ATRNL1: variants seen among roughly 807,000 people sequenced by gnomAD.
ATRNL1 encodes attractin like 1.
Under a neutral mutation model 182.7 loss-of-function variants are expected in ATRNL1, and 95 were observed. The observed-to-expected ratio is 0.52, with a 90% CI of 0.44 to 0.62. The LOEUF (loss-of-function observed/expected upper bound fraction) is 0.62. Among genes scored for constraint, ATRNL1 ranks in the 20% least tolerant of loss-of-function variants. The probability of loss-of-function intolerance (pLI) is 0.00; values close to 1 mark genes in which losing one functional copy is unlikely to be tolerated. For synonymous variants in ATRNL1, 576 were observed against 568.3 expected (o/e 1.01, Z -0.19); for missense variants, 1,471 against 1,679.5 (o/e 0.88, Z 2.17).
At chr10:115,265,661 G>C (rs1367202904) in intron 11 of ATRNL1, among the ~76,000 whole-genome samples, 1 of 151,650 alleles carries the variant, frequency 6.6e-6, no homozygotes, top group Non-Finnish European at 1.5e-5. Flanking sequence ...AGAAGAATTA[G>C]ATTCTCATTT....
At chr10:115,925,279 A>G (rs1313435264) in intron 28 of ATRNL1, among the ~76,000 whole-genome samples, 1 of 152,052 alleles carries the variant, frequency 6.6e-6, no homozygotes, top group Non-Finnish European at 1.5e-5. Flanking sequence ...AACTTCCAAT[A>G]CTATGTTGCA....
chr10:115,646,754 C>A (rs782184122), intron 26 of ATRNL1, among the ~76,000 whole-genome samples: 1 of 151,128 alleles, frequency 6.6e-6, no homozygotes, highest in Non-Finnish European at 1.5e-5. Flanking sequence ...ACTATACATA[C>A]TATTATCTAA....
intron 26 of ATRNL1, among the ~76,000 whole-genome samples, chr10:115,563,401 C>G (rs948875389): frequency 6.6e-6 from 1 of 152,148 alleles, no homozygotes; most frequent in Non-Finnish European, 1.5e-5. Flanking sequence ...ATTTGCACAT[C>G]CGTGCTGAGC....
intron 27 of ATRNL1, among the ~76,000 whole-genome samples, chr10:115,744,743 C>T (rs997065047): frequency 2.0e-5 from 3 of 152,076 alleles, no homozygotes; most frequent in Non-Finnish European, 2.9e-5. Context: ...AATACATATA[C>T]ACAGTTTTCA....
intron 26 of ATRNL1, among the ~76,000 whole-genome samples, chr10:115,577,411 A>G (rs1196853139): frequency 6.6e-6 from 1 of 151,742 alleles, no homozygotes; most frequent in African/African-American, 2.4e-5. Flanking sequence ...TCAATATTTT[A>G]TAGTTTTTAT....
intron 28 of ATRNL1, among the ~76,000 whole-genome samples, chr10:115,897,175 A>G (rs1952229108): frequency 6.6e-6 from 1 of 152,230 alleles, no homozygotes. Flanking sequence ...AATGGCCTAT[A>G]TGAACATGAA....
chr10:115,407,569 T>C (rs1297890064), intron 20 of ATRNL1, among the ~76,000 whole-genome samples: 2 of 152,196 alleles, frequency 1.3e-5, no homozygotes, highest in African/African-American at 4.8e-5. Flanking sequence ...GATTTCCTTC[T>C]TTTTAATGGC....
At chr10:115,336,600 G>A (rs573238606) in intron 19 of ATRNL1, among the ~76,000 whole-genome samples, 2 of 152,150 alleles carry the variant, frequency 1.3e-5, no homozygotes, top group East Asian at 1.9e-4. Flanking sequence ...GTAAACTGTC[G>A]TGTATTTAAT....
intron 19 of ATRNL1, among the ~76,000 whole-genome samples, chr10:115,344,541 TG>T: frequency 6.6e-6 from 1 of 152,278 alleles, no homozygotes; most frequent in South Asian, 2.1e-4. Flanking sequence ...GGCTCCCCTC[TG>T]GCCTAGGGTA....
intron 19 of ATRNL1, among the ~76,000 whole-genome samples, chr10:115,352,648 C>T (rs1373205106): frequency 2.6e-5 from 4 of 152,036 alleles, no homozygotes; most frequent in African/African-American, 4.8e-5. Flanking sequence ...ATACTTGATA[C>T]TCTCTTTGGG....
chr10:115,339,712 G>A (rs1203148526), intron 19 of ATRNL1, among the ~76,000 whole-genome samples: 8 of 151,452 alleles, frequency 5.3e-5, no homozygotes, highest in African/African-American at 1.7e-4. Context: ...TTTTCTTATT[G>A]CTCTAGCTAG....
Position 115,381,432 on chromosome 10 carries a change from A to ATTTTTTTTTTTTTTTTTTTTTTTTTTT in ATRNL1, c.3176-13210_3176-13209insTTTTTTTTTTTTTTTTTTTTTTTTTTT, listed in dbSNP as rs375127246. 4.4e-4 allele frequency among the ~76,000 whole-genome samples: 30 copies of ATTTTTTTTTTTTTTTTTTTTTTTTTTT among 68,524 alleles called. 6 individuals carry two copies. Among genetic ancestry groups the ATTTTTTTTTTTTTTTTTTTTTTTTTTT allele is most frequent in the African/African-American group, 1.4e-3 (24 of 16,704 alleles). The allele number at this position is 68,524 out of a possible 152,430, so 45.0% of individuals were successfully genotyped here. A position where few individuals can be genotyped will look rare whatever the true frequency, so the allele number is the denominator to read the frequency against. On this transcript the variant is annotated intron_variant, in intron 19 of 28. Transcript: ENST00000355044. The stretch of plus-strand genomic sequence containing the variant: ...CAGGCACATGCCACCATACCTGGCA[A>ATTTTTTTTTTTTTTTTTTTTTTTTTTT]TTTTTTTTTTTTTTTTTAGTAGACA...
chr10:115,184,885 G>T (rs1000191913), intron 8 of ATRNL1, among the ~76,000 whole-genome samples: 3 of 151,878 alleles, frequency 2.0e-5, no homozygotes, highest in African/African-American at 7.2e-5. Flanking sequence ...TCTCAGTCGA[G>T]GTTTAGATGC....
Position 115,204,533 on chromosome 10 carries a change from A to G in ATRNL1, c.1349-11164A>G, listed in dbSNP as rs12263756. On this transcript the variant is annotated intron_variant, in intron 8 of 28. Coordinates refer to ENST00000355044, the MANE Select transcript of ATRNL1 (RefSeq NM_207303.4). ...TCTATCAAATGCTTTTTCTGCATCT[A>G]TTGAGATGATAATAGAATTATTGTC... 7.9e-3 allele frequency among the ~76,000 whole-genome samples: 1,210 copies of G among 152,202 alleles called. 18 individuals are homozygous for G. Among genetic ancestry groups the G allele is most frequent in the African/African-American group, 0.028 (1,165 of 41,538 alleles).
chr10:115,333,508 G>T (rs1225865706), intron 18 of ATRNL1, among the ~76,000 whole-genome samples: 1 of 147,690 alleles, frequency 6.8e-6, no homozygotes, highest in Non-Finnish European at 1.5e-5. Context: ...TTTTGAGACG[G>T]AGTCTTGCTC....
intron 27 of ATRNL1, among the ~76,000 whole-genome samples, chr10:115,816,741 G>A (rs1260831558): frequency 2.7e-4 from 41 of 151,942 alleles, no homozygotes; most frequent in African/African-American, 9.4e-4. Flanking sequence ...AGATGTTAAG[G>A]TGTTTCTTCA....
At chr10:115,152,793 C>T (rs372770632) in intron 5 of ATRNL1, among the ~76,000 whole-genome samples, 4 of 151,754 alleles carry the variant, frequency 2.6e-5, no homozygotes, top group East Asian at 1.9e-4. Flanking sequence ...GTCTTGTGCC[C>T]GTTTTCAAAG....
chr10:115,279,295 A>C (rs1459967315), intron 13 of ATRNL1, among the ~76,000 whole-genome samples: 2 of 152,144 alleles, frequency 1.3e-5, no homozygotes, highest in African/African-American at 4.8e-5. Context: ...TGAGGGTAAT[A>C]TTAAGAGACT....
At chr10:115,270,712 C>T (rs1851823768) in intron 13 of ATRNL1, among the ~76,000 whole-genome samples, 1 of 151,928 alleles carries the variant, frequency 6.6e-6, no homozygotes, top group South Asian at 2.1e-4. Context: ...TTGGATGACG[C>T]CCACCATAGG....
Sources: gnomAD v4.1 joint callset for allele counts (sites outside exome capture counted in the v4.1 genomes callset) on GRCh38, gnomAD v4.1.1 for gene constraint, MANE v1.5 for transcripts, NCBI Gene and HGNC (gene_info 2026-07-23, HGNC 2026-07-21) for gene names.